Variants in CDH4 observed in about 807,000 individuals in gnomAD.
CDH4 encodes the protein cadherin-4.
A neutral mutation model predicts 86.0 loss-of-function variants in CDH4; 33 were observed. That is an observed-to-expected ratio of 0.38 (90% CI 0.29 to 0.51). CDH4 has a LOEUF of 0.51. Ranked by LOEUF, CDH4 falls within the 20% of genes least tolerant of loss-of-function variation. The probability of loss-of-function intolerance (pLI) is 0.86; values close to 1 mark genes in which losing one functional copy is unlikely to be tolerated. For synonymous variants in CDH4, 555 were observed against 549.4 expected, an observed-to-expected ratio of 1.01 and a Z score of -0.14; for missense variants, 1,114 against 1,307.4, an observed-to-expected ratio of 0.85 and a Z score of 2.28.
chr20:61,533,800 C>T (rs778836191), intron 2 of CDH4, among the ~76,000 whole-genome samples: 2 of 152,232 alleles, frequency 1.3e-5, no homozygotes, highest in Non-Finnish European at 2.9e-5. Context: ...CCTAATTACC[C>T]ACAACCCTGG....
Position 61,879,131 on chromosome 20 carries a change from G to A in CDH4, c.1050+5231G>A, listed in dbSNP as rs1984168599. 6.6e-6 allele frequency among the ~76,000 whole-genome samples: 1 copy of A among 152,240 alleles called. No individual in the cohort carries two copies. Among genetic ancestry groups the A allele is most frequent in the African/African-American group, 2.4e-5 (1 of 41,462 alleles). ...AAACCCACGCAGGCGGCCACTGACA[G>A]CAGTGTAGACGCCAAGCGAGCACCA... On this transcript the variant is annotated intron_variant, in intron 7 of 15. Coordinates refer to ENST00000614565, the MANE Select transcript of CDH4 (RefSeq NM_001794.5). The surrounding 1 kb of genome is among the most constrained non-coding windows in gnomAD (Gnocchi z 4.1).
intron 2 of CDH4, among the ~76,000 whole-genome samples, chr20:61,348,083 T>C (rs1025638197): frequency 4.6e-5 from 7 of 152,080 alleles, no homozygotes; most frequent in Non-Finnish European, 7.4e-5. Flanking sequence ...CATTCCTACA[T>C]TTGGAGAGAG....
chr20:61,399,629 T>C (rs564688665), intron 2 of CDH4, among the ~76,000 whole-genome samples: 1 of 152,294 alleles, frequency 6.6e-6, no homozygotes, highest in South Asian at 2.1e-4. Flanking sequence ...TGGTCTATGG[T>C]GTGTGCCGGG....
At chr20:61,383,801 ATATATGAAGATATATATGCG>A (rs1346767271) in intron 2 of CDH4, among the ~76,000 whole-genome samples, 4 of 90,082 alleles carry the variant, frequency 4.4e-5, no homozygotes, top group African/African-American at 1.5e-4. Flanking sequence ...ATATATGCAT[ATATATGAAGATATATATGCG>A]TATATATGAA....
rs1280297852 is a variant in CDH4, at chr20:61,565,182, T to C, written c.170-178381T>C. On this transcript the variant is annotated intron_variant, in intron 2 of 15. Transcript: ENST00000614565. ...CCTCTTGGTGATGGGGTGGTGGTGGTGGTGGTCCTCTTGGTGGTGGTCGCG... is the reference window on the plus strand; with the variant it reads ...CCTCTTGGTGATGGGGTGGTGGTGGCGGTGGTCCTCTTGGTGGTGGTCGCG... Among the ~76,000 whole-genome samples, 243 of 77,208 alleles carry C rather than the reference T, an allele frequency of 3.1e-3. 20 individuals carry two copies. Among genetic ancestry groups the C allele is most frequent in the African/African-American group, 7.8e-3 (147 of 18,804 alleles). The allele number at this position is 77,208 out of a possible 152,430, so 50.7% of individuals were successfully genotyped here.
intron 2 of CDH4, among the ~76,000 whole-genome samples, chr20:61,445,681 C>T (rs755113210): frequency 1.3e-5 from 2 of 152,230 alleles, no homozygotes; most frequent in East Asian, 1.9e-4. Context: ...CAGAATACAC[C>T]GGGTTTGTGT....
chr20:61,804,397 C>T (rs531846023), intron 4 of CDH4, among the ~76,000 whole-genome samples: 100 of 152,318 alleles, frequency 6.6e-4, no homozygotes, highest in Non-Finnish European at 8.1e-4. Context: ...TCTGACCACC[C>T]CTCTCCGCCG....
At chr20:61,580,620 G>A (rs1446441377) in intron 2 of CDH4, among the ~76,000 whole-genome samples, 1 of 139,728 alleles carries the variant, frequency 7.2e-6, no homozygotes, top group Admixed American at 7.7e-5. Context: ...CAGCCCATTG[G>A]TTTTTCAGGT....
intron 2 of CDH4, among the ~76,000 whole-genome samples, chr20:61,322,344 G>A (rs2427080): frequency 0.41 from 61,861 of 152,090 alleles, 13,260 homozygotes; most frequent in East Asian, 0.48. Flanking sequence ...AGTCTCTCCC[G>A]CAGCAGCTGG....
chr20:61,555,792 C>T (rs996900258), intron 2 of CDH4, among the ~76,000 whole-genome samples: 1 of 152,166 alleles, frequency 6.6e-6, no homozygotes, highest in Non-Finnish European at 1.5e-5. Flanking sequence ...TTTTTAGAAA[C>T]AATTCATACC....
intron 2 of CDH4, among the ~76,000 whole-genome samples, chr20:61,496,714 C>T (rs1365297555): frequency 6.6e-6 from 1 of 152,190 alleles, no homozygotes; most frequent in Non-Finnish European, 1.5e-5. Flanking sequence ...AGAAAGTTCT[C>T]ATATCCTTGT....
intron 2 of CDH4, among the ~76,000 whole-genome samples, chr20:61,739,593 A>G (rs1413085097): frequency 2.6e-5 from 4 of 152,258 alleles, no homozygotes; most frequent in Admixed American, 2.6e-4. Context: ...ACCACCAGTT[A>G]CAACCTCTGT....
chr20:61,840,189 C>T (rs891451559), intron 4 of CDH4, among the ~76,000 whole-genome samples: 1 of 152,198 alleles, frequency 6.6e-6, no homozygotes, highest in African/African-American at 2.4e-5. Flanking sequence ...CTGAGAGAGA[C>T]CTTCCCGACC....
chr20:61,453,081 A>G (rs2085389107), intron 2 of CDH4, among the ~76,000 whole-genome samples: 1 of 152,250 alleles, frequency 6.6e-6, no homozygotes, highest in African/African-American at 2.4e-5. Flanking sequence ...CTTCCTGGGA[A>G]GTAATTATAT....
rs997530853 is a variant in CDH4 at position 61,708,370 on chromosome 20, C to T, written c.170-35193C>T. Among the ~76,000 whole-genome samples the T allele has an allele frequency of 2.0e-5, 3 of 151,970 alleles. No individual in the cohort carries two copies. Among genetic ancestry groups the T allele is most frequent in the African/African-American group, 7.3e-5 (3 of 41,360 alleles). ...GCCTCCTAACTGGGTTGGGGCACCA[C>T]CCTCCACTCTCCACGTTGGCTGCCT... On this transcript the variant is annotated intron_variant, in intron 2 of 15. Transcript: ENST00000614565. This position sits in a 1 kb window ranked among gnomAD's most constrained non-coding sequence, Gnocchi z 4.5.
intron 2 of CDH4, among the ~76,000 whole-genome samples, chr20:61,320,430 A>G (rs1333662066): frequency 6.6e-6 from 1 of 151,940 alleles, no homozygotes; most frequent in Non-Finnish European, 1.5e-5. Context: ...TGTGGGTGAG[A>G]CTGGAGTGTC....
chr20:61,318,750 A>G (rs2084491719), intron 2 of CDH4, among the ~76,000 whole-genome samples: 1 of 152,184 alleles, frequency 6.6e-6, no homozygotes, highest in Non-Finnish European at 1.5e-5. Context: ...AATTACTACC[A>G]CTTGTTTGGC....
chr20:61,864,781 T>G (rs1184272369), intron 6 of CDH4, among the ~76,000 whole-genome samples: 2 of 152,114 alleles, frequency 1.3e-5, no homozygotes, highest in African/African-American at 4.8e-5. Context: ...CCCTCCTGAA[T>G]CCACTGACAA....
chr20:61,886,572 G>A (rs187332942), intron 7 of CDH4, among the ~76,000 whole-genome samples: 5 of 152,308 alleles, frequency 3.3e-5, no homozygotes, highest in Admixed American at 6.5e-5. Flanking sequence ...CCCGCTGCCC[G>A]CCCAGACACC....
Sources: allele counts gnomAD v4.1 joint callset (sites outside exome capture counted in the v4.1 genomes callset), GRCh38; gene constraint gnomAD v4.1.1; non-coding constraint Gnocchi (gnomAD v3.1); transcripts MANE v1.5; gene names NCBI Gene and HGNC (gene_info 2026-07-23, HGNC 2026-07-21).